The following PIGR variants were observed in gnomAD, a reference collection of about 807,000 sequenced individuals.
PIGR encodes polymeric immunoglobulin receptor, also known as hepatocellular carcinoma associated protein TB6.
PIGR carries 22 observed loss-of-function variants against 69.5 expected under a neutral mutation model. The observed-to-expected ratio is 0.32, with a 90% confidence interval of 0.23 to 0.45. PIGR has a LOEUF of 0.45. Ranked by LOEUF, PIGR falls within the 20% of genes least tolerant of loss-of-function variation. PIGR has a pLI of 1.00. For synonymous variants in PIGR, 413 were observed against 407.6 expected (o/e 1.01, Z -0.16); for missense variants, 885 against 974.0 (o/e 0.91, Z 1.22).
Position 206,935,537 on chromosome 1 carries a change from T to C in PIGR, c.1327A>G (p.Thr443Ala). 6.2e-7 allele frequency: 1 copy of C among 1,614,156 alleles called. No homozygotes were observed. The highest frequency in any genetic ancestry group is 1.3e-5 in the African/African-American group (1 of 75,034). ...GTCCTCCAGAGAGTATCGCCGTTGGTCAGACACCAGTAGAAGCCGGCGTCC... is the reference window on the plus strand; with the variant it reads ...GTCCTCCAGAGAGTATCGCCGTTGGCCAGACACCAGTAGAAGCCGGCGTCC... ...SRDAGFYWCL[T>A]NGDTLWRTTV... Residue 443 changes from threonine to alanine, a missense_variant, in exon 5 of 11, where the codon ACC becomes GCC. Physicochemically the swap from Thr to Ala is moderately conservative, Grantham distance 58 (BLOSUM62 0). Transcript: ENST00000356495. The surrounding 1 kb of genome is among the most constrained non-coding windows in gnomAD (Gnocchi z 4.4).
chr1:206,940,279 T>C (rs1679956056), intron 2 of PIGR, among the ~76,000 whole-genome samples: 1 of 152,232 alleles, frequency 6.6e-6, no homozygotes, highest in Non-Finnish European at 1.5e-5. Context: ...GCCTTGAGAT[T>C]AGGAAGTGCC....
In PIGR at chr1:206,935,799, G is replaced by C; in HGVS notation, c.1065C>G (p.Ser355Arg). The change falls in exon 5 of 11, where the codon AGC (serine) becomes AGG (arginine). Residue 355 changes from serine (S) to arginine (R), a missense_variant. Ser to Arg is a moderately radical substitution (Grantham distance 110). Coordinates refer to ENST00000356495, the MANE Select transcript of PIGR (RefSeq NM_002644.4). The surrounding 1 kb of genome is among the most constrained non-coding windows in gnomAD (Gnocchi z 4.4). ...CTGCCACCCCCTTCACCACAGTGGG[G>C]CTGCGGGGAATCGTGGACTCTGGAA... ...FVNEESTIPR[S>R]PTVVKGVAGG... is the part of the protein sequence containing the mutation. The C allele has an allele frequency of 6.2e-7, 1 of 1,604,042 alleles. No individual in the cohort carries two copies. Among genetic ancestry groups the C allele is most frequent in the Non-Finnish European group, 8.5e-7 (1 of 1,172,292 alleles).
chr1:206,934,321 C>G lies in PIGR; in HGVS notation c.1705+99G>C, dbSNP rs1404513977. ...CCACTTTCAGCCTCTTACAGCCAAACATAGGGGCCAGCACTGATTGAGAAG... is the reference window on the plus strand; with the variant it reads ...CCACTTTCAGCCTCTTACAGCCAAAGATAGGGGCCAGCACTGATTGAGAAG... On this transcript the variant is annotated intron_variant, in intron 6 of 10. Transcript: ENST00000356495. 9.4e-6 allele frequency: 10 copies of G among 1,063,552 alleles called. No individual in the cohort carries two copies. The Admixed American group carries it at 2.5e-4, about 26-fold the overall frequency. The allele number at this position is 1,063,552 out of a possible 1,614,324, so 65.9% of individuals were successfully genotyped here. A position where few individuals can be genotyped will look rare whatever the true frequency, so the allele number is the denominator to read the frequency against.
At chr1:206,941,491 G>A (rs1366775298) in intron 1 of PIGR, among the ~76,000 whole-genome samples, 1 of 152,224 alleles carries the variant, frequency 6.6e-6, no homozygotes, top group Non-Finnish European at 1.5e-5. Context: ...AAATAAGACA[G>A]ACGGGTATAA....
At position 206,939,218 on chromosome 1, in the gene PIGR, T is replaced by C. The variant is rs748397817; in HGVS notation, c.289A>G (p.Ile97Val). 1.2e-6 allele frequency: 2 copies of C among 1,614,170 alleles called. No homozygotes were observed. The highest frequency in any genetic ancestry group is 1.1e-5 in the South Asian group (1 of 91,084). ...GAGTCATCCTGGCTCAGCTGGGCAA[T>C]GTTCACCACAAATGTGCCGTTCTCC... The part of the protein sequence containing the change: ...FPENGTFVVN[I>V]AQLSQDDSGR... The change falls in exon 3 of 11, where the codon ATT (isoleucine) becomes GTT (valine). Residue 97 changes from isoleucine (I) to valine (V), a missense_variant. By Grantham distance (29) the Ile-to-Val change is conservative. Transcript: ENST00000356495.
At chr1:206,931,841 C>T (rs745777426) in intron 8 of PIGR, 39 bp from the exon 9 acceptor site, 2 of 1,612,740 alleles carry the variant, frequency 1.2e-6, no homozygotes, top group South Asian at 2.2e-5. Flanking sequence ...AGGACAGGGG[C>T]TGGGACCTAG....
chr1:206,945,448 A>C (rs1680085505), intron 1 of PIGR, among the ~76,000 whole-genome samples: 1 of 152,208 alleles, frequency 6.6e-6, no homozygotes, highest in Non-Finnish European at 1.5e-5. Flanking sequence ...AGGGAGGGGA[A>C]GCCCATGTCT....
rs1225589670 is a variant in PIGR, at chr1:206,928,982, C to T, written c.*1336G>A. ...CTCAGTGGCTCATGCCTATATAATCCCAGTACTTTGAGAAGCTGAGGCGGC... is the reference window on the plus strand; with the variant it reads ...CTCAGTGGCTCATGCCTATATAATCTCAGTACTTTGAGAAGCTGAGGCGGC... On this transcript the variant is annotated 3_prime_UTR_variant, in exon 11 of 11. Coordinates refer to ENST00000356495, the MANE Select transcript of PIGR (RefSeq NM_002644.4). The T allele has an allele frequency of 2.6e-5, 4 of 151,372 alleles. No homozygotes were observed. The highest frequency in any genetic ancestry group is 7.3e-5 in the African/African-American group (3 of 40,962). The allele number at this position is 151,372 out of a possible 1,614,324, so 9.4% of individuals were successfully genotyped here.
intron 8 of PIGR, 99 bp downstream of exon 8, chr1:206,932,357 T>A: frequency 7.3e-7 from 1 of 1,361,430 alleles, no homozygotes; most frequent in Non-Finnish European, 9.9e-7. Context: ...TTTTAGCTCA[T>A]GAAAAAGAAG....
chr1:206,935,420 G>A lies in PIGR; in HGVS notation c.1378+66C>T. ...GGAGGCGGGTGAAAAAGGAGGAAGA[G>A]TGGTTGGGGATGCTGCTGCTGGCTG... is the stretch of plus-strand genomic sequence containing the variant. On this transcript the variant is annotated intron_variant, in intron 5 of 10. Coordinates refer to ENST00000356495, the MANE Select transcript of PIGR (RefSeq NM_002644.4). The surrounding 1 kb of genome is among the most constrained non-coding windows in gnomAD (Gnocchi z 4.4). 2 of 1,344,502 alleles carry A rather than the reference G, an allele frequency of 1.5e-6. No individual in the cohort carries two copies. Among genetic ancestry groups the A allele is most frequent in the Non-Finnish European group, 2.1e-6 (2 of 960,740 alleles). 83.3% of individuals were successfully genotyped at this position (1,344,502 alleles called of 1,614,324 possible).
rs1418790720 is a variant in PIGR at position 206,930,686 on chromosome 1, C to T, written c.2200-273G>A. On this transcript the variant is annotated intron_variant, in intron 10 of 10. Coordinates refer to ENST00000356495, the MANE Select transcript of PIGR (RefSeq NM_002644.4). This position sits in a 1 kb window ranked among gnomAD's most constrained non-coding sequence, Gnocchi z 4.3. Reference sequence around the variant, plus strand: ...CGCCTCTGTTGCCCGGGCCTGTCCCCGGAAGCTGCCCACACAGTCCACGGG... The same window carrying T: ...CGCCTCTGTTGCCCGGGCCTGTCCCTGGAAGCTGCCCACACAGTCCACGGG... 14 of 985,284 alleles carry T rather than the reference C, an allele frequency of 1.4e-5. No homozygotes were observed. Among genetic ancestry groups the T allele is most frequent in the African/African-American group, 5.2e-5 (3 of 57,220 alleles). The allele number at this position is 985,284 out of a possible 1,614,324, so 61.0% of individuals were successfully genotyped here.
At chr1:206,945,378 G>A (rs923619633) in intron 1 of PIGR, among the ~76,000 whole-genome samples, 2 of 152,288 alleles carry the variant, frequency 1.3e-5, no homozygotes, top group African/African-American at 2.4e-5. Context: ...AGCTTGACCC[G>A]CTGCTGCCCT....
chr1:206,930,326 C>T lies in PIGR; in HGVS notation c.2287G>A (p.Glu763Lys), dbSNP rs767440203. ...GCAGGCGGCGACACCGTCTAGGCTT[C>T]CTGGGGGCCGTCCTGGGCCTCGGCG... is the stretch of plus-strand genomic sequence containing the variant. ...VAAEAQDGPQEA is the reference protein window; with the variant it reads ...VAAEAQDGPQKA The change falls in exon 11 of 11, where the codon GAA becomes AAA. Residue 763 changes from glutamate (E) to lysine (K), a missense_variant. Glu to Lys is a moderately conservative substitution (Grantham distance 56). Transcript: ENST00000356495. This position sits in a 1 kb window ranked among gnomAD's most constrained non-coding sequence, Gnocchi z 4.3. 8 of 1,611,326 alleles carry T rather than the reference C, an allele frequency of 5.0e-6. No homozygotes were observed. Among genetic ancestry groups the T allele is most frequent in the Non-Finnish European group, 6.8e-6 (8 of 1,178,586 alleles).
intron 2 of PIGR, 49 bp from the exon 3 acceptor site, chr1:206,939,512 C>G (rs533773468): frequency 2.2e-5 from 31 of 1,380,504 alleles, no homozygotes; most frequent in Admixed American, 2.2e-4. Context: ...GGAGGTAAAG[C>G]CTGTTCCAGA....
At chr1:206,939,829 C>T (rs559982450) in intron 2 of PIGR, among the ~76,000 whole-genome samples, 40 of 152,276 alleles carry the variant, frequency 2.6e-4, no homozygotes, top group Non-Finnish European at 4.4e-4. Context: ...CAGGTTCAAG[C>T]GATTCTCATG....
intron 2 of PIGR, among the ~76,000 whole-genome samples, chr1:206,940,042 C>T (rs941703782): frequency 1.3e-5 from 2 of 152,204 alleles, no homozygotes; most frequent in Non-Finnish European, 2.9e-5. Flanking sequence ...CAAACAATAA[C>T]ACCACTTTCG....
chr1:206,938,261 A>C (rs755888284), intron 3 of PIGR, among the ~76,000 whole-genome samples: 1 of 152,234 alleles, frequency 6.6e-6, no homozygotes, highest in Non-Finnish European at 1.5e-5. Context: ...GTTTCTGCTA[A>C]AGTGCTTAAT....
chr1:206,932,175 C>A (rs1679767295), intron 8 of PIGR, among the ~76,000 whole-genome samples: 1 of 152,108 alleles, frequency 6.6e-6, no homozygotes, highest in Admixed American at 6.5e-5. Context: ...TAGTCCAAGC[C>A]CAGGGTCTCC....
intron 3 of PIGR, 149 bp from the exon 4 acceptor site, chr1:206,937,900 C>T (rs966565799): frequency 2.1e-5 from 14 of 668,130 alleles, no homozygotes; most frequent in African/African-American, 3.6e-5. Flanking sequence ...TCGGAAGGCC[C>T]AGCTTGACAG....
Sources: allele counts gnomAD v4.1 joint callset (sites outside exome capture counted in the v4.1 genomes callset), GRCh38; gene constraint gnomAD v4.1.1; non-coding constraint Gnocchi (gnomAD v3.1); transcripts MANE v1.5; gene names NCBI Gene and HGNC (gene_info 2026-07-23, HGNC 2026-07-21).